CFAP54: variants seen among roughly 807,000 people sequenced by gnomAD.
The protein encoded by CFAP54 is cilia- and flagella-associated protein 54.
Under a neutral mutation model 370.4 loss-of-function variants are expected in CFAP54, and 290 were observed. The observed-to-expected ratio is 0.78, with a 90% CI of 0.71 to 0.86. CFAP54 has a LOEUF of 0.86. Among genes scored for constraint, CFAP54 ranks in the 40% least tolerant of loss-of-function variants. The pLI is 0.00. For missense variants in CFAP54, 3,399 were observed against 3,528.7 expected, an observed-to-expected ratio of 0.96 and a Z score of 0.93; for synonymous variants, 1,206 against 1,236.5, an observed-to-expected ratio of 0.98 and a Z score of 0.52.
intron 65 of CFAP54, among the ~76,000 whole-genome samples, chr12:96,826,910 AATTATATATG>A (rs1247806283): frequency 7.8e-6 from 1 of 128,034 alleles, no homozygotes; most frequent in African/African-American, 2.9e-5. Flanking sequence ...TTATATATGC[AATTATATATG>A]ATTATATATA....
chr12:96,761,658 G>A (rs1958340620), intron 58 of CFAP54, among the ~76,000 whole-genome samples: 1 of 151,928 alleles, frequency 6.6e-6, no homozygotes, highest in Admixed American at 6.6e-5. Context: ...TTAATACTTG[G>A]GTAGAGTGTG....
intron 1 of CFAP54, among the ~76,000 whole-genome samples, chr12:96,494,048 A>C (rs1954919356): frequency 6.6e-6 from 1 of 152,124 alleles, no homozygotes; most frequent in African/African-American, 2.4e-5. Context: ...TGAGATTAGA[A>C]GGACACCTGG....
intron 32 of CFAP54, among the ~76,000 whole-genome samples, chr12:96,634,351 G>A (rs1215702033): frequency 6.6e-6 from 1 of 151,938 alleles, no homozygotes; most frequent in African/African-American, 2.4e-5. Context: ...ACCGTGCCCG[G>A]CCAAACATCT....
intron 56 of CFAP54, among the ~76,000 whole-genome samples, chr12:96,754,187 T>C (rs1958224274): frequency 6.6e-6 from 1 of 152,240 alleles, no homozygotes; most frequent in South Asian, 2.1e-4. Context: ...CAGCATAGCC[T>C]CTTAGCTATA....
At chr12:96,872,877 A>T (rs1960204877) in intron 67 of CFAP54, among the ~76,000 whole-genome samples, 1 of 152,202 alleles carries the variant, frequency 6.6e-6, no homozygotes, top group African/African-American at 2.4e-5. Flanking sequence ...CCCCAAACTA[A>T]GACAGCTCCA....
Position 96,765,207 on chromosome 12 carries a change from A to G in CFAP54, c.8270A>G (p.Asp2757Gly), listed in dbSNP as rs768793259. 1.3e-6 allele frequency: 2 copies of G among 1,515,768 alleles called. No homozygotes were observed. The highest frequency in any genetic ancestry group is 1.8e-6 in the Non-Finnish European group (2 of 1,115,194). 93.9% of individuals were successfully genotyped at this position (1,515,768 alleles called of 1,614,324 possible). A position where few individuals can be genotyped will look rare whatever the true frequency, so the allele number is the denominator to read the frequency against. ...CTGGATCTTTTGTCTTCGTATACAG[A>G]TTATTTGCTTGGTATGTTTGGATGT... ...AALDLLSSYT[D>G]YLLDNYQVLF... Residue 2757 changes from aspartate to glycine, a missense_variant, in exon 60 of 68, where the codon GAT becomes GGT. Physicochemically the swap from Asp to Gly is moderately conservative, Grantham distance 94. Coordinates refer to ENST00000524981, the MANE Select transcript of CFAP54 (RefSeq NM_001306084.2).
intron 56 of CFAP54, 66 bp downstream of exon 56, chr12:96,753,964 G>A (rs1958220720): frequency 1.3e-6 from 2 of 1,524,264 alleles, no homozygotes; most frequent in African/African-American, 1.4e-5. Context: ...TCAACAACAG[G>A]ATTCTTGAAA....
intron 39 of CFAP54, among the ~76,000 whole-genome samples, chr12:96,670,573 A>T (rs1047776099): frequency 6.6e-6 from 1 of 152,248 alleles, no homozygotes; most frequent in Non-Finnish European, 1.5e-5. Context: ...ATAAAGAGGT[A>T]CAGAGTGTGT....
At chr12:96,690,577 C>A (rs937376398) in intron 43 of CFAP54, among the ~76,000 whole-genome samples, 3 of 152,074 alleles carry the variant, frequency 2.0e-5, no homozygotes, top group Admixed American at 1.3e-4. Context: ...CTGATTGAGA[C>A]TTCTGAAACA....
At chr12:96,838,730 G>T (rs569280691) in intron 66 of CFAP54, among the ~76,000 whole-genome samples, 1 of 152,316 alleles carries the variant, frequency 6.6e-6, no homozygotes, top group East Asian at 1.9e-4. Flanking sequence ...GGAACACAAA[G>T]CTAACCATAT....
chr12:96,635,460 T>C lies in CFAP54; in HGVS notation c.4316+4809T>C, dbSNP rs1956654103. On this transcript the variant is annotated intron_variant, in intron 32 of 67. Coordinates refer to ENST00000524981, the MANE Select transcript of CFAP54 (RefSeq NM_001306084.2). ...TTCTGACACAAACCATGTGGTGTTT[T>C]CCAGCACCAACCAATTCTCCAGCAC... Among the ~76,000 whole-genome samples the C allele has an allele frequency of 2.0e-5, 3 of 152,250 alleles. No individual in the cohort carries two copies. In the South Asian group the frequency reaches 6.2e-4, roughly 32 times the overall value.
intron 36 of CFAP54, among the ~76,000 whole-genome samples, chr12:96,653,763 AATG>A (rs1226953465): frequency 6.6e-6 from 1 of 152,014 alleles, no homozygotes; most frequent in Non-Finnish European, 1.5e-5. Context: ...AAATAAAAGA[AATG>A]ATAAGAGCAG....
Position 96,811,756 on chromosome 12 carries a change from T to C in CFAP54, c.8871T>C (p.Tyr2957=), listed in dbSNP as rs1262727943. 6.6e-7 allele frequency: 1 copy of C among 1,509,842 alleles called. No homozygotes were observed. Among genetic ancestry groups the C allele is most frequent in the African/African-American group, 1.4e-5 (1 of 71,486 alleles). The allele number at this position is 1,509,842 out of a possible 1,614,324, so 93.5% of individuals were successfully genotyped here. ...TATAGGTTTTATTGTTGTATGCATA[T>C]AATTTGAAGCCTCTGAAGATTTCAG... ...TEPMVLLLYA[Y]NLKPLKISDV... is the part of the protein sequence containing the mutation. The change falls in exon 64 of 68, where the codon TAT becomes TAC. Residue 2957 remains tyrosine (Y), a synonymous_variant. Transcript: ENST00000524981.
At chr12:96,814,825 G>A (rs1402307974) in intron 64 of CFAP54, among the ~76,000 whole-genome samples, 1 of 152,118 alleles carries the variant, frequency 6.6e-6, no homozygotes, top group African/African-American at 2.4e-5. Flanking sequence ...CTGTTCCTGT[G>A]TTAGTTTGCT....
chr12:96,665,840 T>C (rs956723712), intron 39 of CFAP54, among the ~76,000 whole-genome samples: 2 of 152,206 alleles, frequency 1.3e-5, no homozygotes, highest in Middle Eastern at 3.2e-3. Flanking sequence ...AAATAGGTTT[T>C]TCTTATTCTG....
intron 63 of CFAP54, among the ~76,000 whole-genome samples, chr12:96,803,491 G>A (rs1189157202): frequency 6.6e-6 from 1 of 151,984 alleles, no homozygotes; most frequent in Admixed American, 6.6e-5. Flanking sequence ...TTAAAAACAA[G>A]CACATTTACC....
At chr12:96,617,854 G>A (rs1160989876) in intron 26 of CFAP54, among the ~76,000 whole-genome samples, 1 of 151,958 alleles carries the variant, frequency 6.6e-6, no homozygotes, top group Non-Finnish European at 1.5e-5. Flanking sequence ...GCCAGGCAAG[G>A]TGGCGGGCGC....
intron 39 of CFAP54, among the ~76,000 whole-genome samples, chr12:96,664,944 A>G (rs1324423315): frequency 6.6e-6 from 1 of 151,450 alleles, no homozygotes; most frequent in East Asian, 1.9e-4. Context: ...ACAATGTATA[A>G]GCGTTCGTTT....
At position 96,875,326 on chromosome 12, in the gene CFAP54, C is replaced by T. The variant is rs1436154844; in HGVS notation, c.*223C>T. 2 of 152,124 alleles carry T rather than the reference C, an allele frequency of 1.3e-5. No homozygotes were observed. The highest frequency in any genetic ancestry group is 6.6e-5 in the Admixed American group (1 of 15,260). The allele number at this position is 152,124 out of a possible 1,614,324, so 9.4% of individuals were successfully genotyped here. On this transcript the variant is annotated 3_prime_UTR_variant, in exon 68 of 68. Coordinates refer to ENST00000524981, the MANE Select transcript of CFAP54 (RefSeq NM_001306084.2). ...TACTCTAGATATTGCTTTGAGATTT[C>T]GCTGTTGATCAACTGGCCTGCTGCA...
Sources: allele counts gnomAD v4.1 joint callset (sites outside exome capture counted in the v4.1 genomes callset), GRCh38; gene constraint gnomAD v4.1.1; transcripts MANE v1.5; gene names NCBI Gene and HGNC (gene_info 2026-07-23, HGNC 2026-07-21).